NAALADL2: variants seen among roughly 807,000 people sequenced by gnomAD.
NAALADL2 encodes the protein N-acetylated alpha-linked acidic dipeptidase like 2, also known as inactive N-acetylated-alpha-linked acidic dipeptidase-like protein 2.
A neutral mutation model predicts 87.2 loss-of-function variants in NAALADL2; 76 were observed. That is an observed-to-expected ratio of 0.87 (90% confidence interval 0.72 to 1.05). The LOEUF is 1.05. Ranked by LOEUF, NAALADL2 falls within the 50% of genes least tolerant of loss-of-function variation. The pLI, the probability that NAALADL2 is intolerant of heterozygous loss-of-function variation, is 0.00. For synonymous variants in NAALADL2, 354 were observed against 331.0 expected, an observed-to-expected ratio of 1.07 and a Z score of -0.75; for missense variants, 1,089 against 945.8, an observed-to-expected ratio of 1.15 and a Z score of -1.99.
intron 5 of NAALADL2, among the ~76,000 whole-genome samples, chr3:175,392,447 T>C (rs1769193717): frequency 6.6e-6 from 1 of 152,174 alleles, no homozygotes; most frequent in Admixed American, 6.5e-5. Flanking sequence ...ATTCTGGAAA[T>C]ATGAAATCAT....
chr3:175,046,887 A>G (rs183256066), intron 1 of NAALADL2, among the ~76,000 whole-genome samples: 133 of 152,304 alleles, frequency 8.7e-4, no homozygotes, highest in African/African-American at 3.0e-3. Flanking sequence ...ACACAATACC[A>G]TAGAGTGAGT....
At chr3:175,791,221 A>C (rs1453777907) in intron 13 of NAALADL2, among the ~76,000 whole-genome samples, 2 of 152,234 alleles carry the variant, frequency 1.3e-5, no homozygotes, top group African/African-American at 4.8e-5. Flanking sequence ...ATCCTGTGGA[A>C]ATACACTTTT....
chr3:174,723,755 CAAAAAAAAAAAAAAAAAAAA>C (rs10663395), intron 2 of NAALADL2, among the ~76,000 whole-genome samples: 1 of 27,554 alleles, frequency 3.6e-5, no homozygotes, highest in Admixed American at 7.9e-4. Context: ...GACTCCGTCT[CAAAAAAAAAAAAAAAAAAAA>C]AAAAAAAAGC....
rs1159602995 is a variant in NAALADL2, at chr3:174,987,568, CAAAAAAAAAAAAAAAAA to C, written c.44-109208_44-109192del. 1.7e-3 allele frequency among the ~76,000 whole-genome samples: 35 copies of C among 20,850 alleles called. 3 individuals carry two copies. Among genetic ancestry groups the C allele is most frequent in the East Asian group, 0.011 (11 of 978 alleles). 13.7% of individuals were successfully genotyped at this position (20,850 alleles called of 152,430 possible). A position where few individuals can be genotyped will look rare whatever the true frequency, so the allele number is the denominator to read the frequency against. Reference sequence around the variant, plus strand: ...TGGGCGACAGAGCGAGACTCCGTCTCAAAAAAAAAAAAAAAAAAAAAAAAAAAAAACAATACTCATCA... The same window carrying C: ...TGGGCGACAGAGCGAGACTCCGTCTCAAAAAAAAAAAAACAATACTCATCA... On this transcript the variant is annotated intron_variant, in intron 1 of 13. Transcript: ENST00000454872.
chr3:174,842,829 T>C (rs1724174295), intron 3 of NAALADL2, among the ~76,000 whole-genome samples: 1 of 152,164 alleles, frequency 6.6e-6, no homozygotes, highest in African/African-American at 2.4e-5. Context: ...ATAATTCATA[T>C]AGCTCCTTGG....
At chr3:175,731,937 G>GA (rs981038251) in intron 11 of NAALADL2, among the ~76,000 whole-genome samples, 43 of 151,610 alleles carry the variant, frequency 2.8e-4, no homozygotes, top group Non-Finnish European at 5.5e-4. Context: ...GTGCAAACTG[G>GA]AAAAAAAATC....
intron 1 of NAALADL2, among the ~76,000 whole-genome samples, chr3:174,447,039 A>C: frequency 6.6e-6 from 1 of 152,208 alleles, no homozygotes; most frequent in Non-Finnish European, 1.5e-5. Flanking sequence ...CTAATTATGC[A>C]GGAAACCTAC....
intron 2 of NAALADL2, among the ~76,000 whole-genome samples, chr3:174,632,933 C>CAAAAA (rs56809226): frequency 3.1e-5 from 2 of 63,774 alleles, no homozygotes; most frequent in Non-Finnish European, 3.1e-5. Flanking sequence ...GACTCTGTCT[C>CAAAAA]AAAAAAAAAA....
Position 175,573,247 on chromosome 3 carries a change from A to T in NAALADL2, c.1654-2794A>T, listed in dbSNP as rs372632796. Among the ~76,000 whole-genome samples the T allele has an allele frequency of 2.7e-4, 41 of 152,302 alleles. No homozygotes were observed. In the South Asian group the frequency reaches 8.1e-3, roughly 30 times the overall value. ...AAAACAAAATTAATGCCAAATCTAT[A>T]TTTTCATTTATGTTGAGTAGGATGC... is the stretch of plus-strand genomic sequence containing the variant. On this transcript the variant is annotated intron_variant, in intron 9 of 13. Coordinates refer to ENST00000454872, the MANE Select transcript of NAALADL2 (RefSeq NM_207015.3).
intron 9 of NAALADL2, among the ~76,000 whole-genome samples, chr3:175,559,634 G>A (rs922799168): frequency 9.9e-5 from 15 of 152,080 alleles, no homozygotes; most frequent in African/African-American, 2.9e-4. Flanking sequence ...GTTTTTTGAC[G>A]GTTTTATCAT....
chr3:175,162,559 T>A (rs1733386474), intron 2 of NAALADL2, among the ~76,000 whole-genome samples: 1 of 152,134 alleles, frequency 6.6e-6, no homozygotes, highest in South Asian at 2.1e-4. Context: ...TAATACAAAT[T>A]ATTTGTGCCT....
At chr3:175,376,746 T>C (rs1385809368) in intron 5 of NAALADL2, among the ~76,000 whole-genome samples, 1 of 152,198 alleles carries the variant, frequency 6.6e-6, no homozygotes, top group South Asian at 2.1e-4. Flanking sequence ...AGTTTACATA[T>C]ATTGGATAGC....
chr3:175,472,718 T>C (rs1725082777), intron 9 of NAALADL2, among the ~76,000 whole-genome samples: 1 of 152,178 alleles, frequency 6.6e-6, no homozygotes, highest in African/African-American at 2.4e-5. Context: ...CATTTCCATA[T>C]GTAGTACAAT....
At chr3:175,663,036 A>T (rs1582815526) in intron 11 of NAALADL2, among the ~76,000 whole-genome samples, 1 of 151,864 alleles carries the variant, frequency 6.6e-6, no homozygotes, top group East Asian at 1.9e-4. Context: ...TGAATTTGGA[A>T]ATATTTACTG....
intron 5 of NAALADL2, among the ~76,000 whole-genome samples, chr3:175,418,609 C>T (rs1322705990): frequency 6.6e-6 from 1 of 151,958 alleles, no homozygotes; most frequent in African/African-American, 2.4e-5. Flanking sequence ...TCTCATTATC[C>T]GTGGAAGATG....
At chr3:174,578,951 A>G (rs1163571447) in intron 2 of NAALADL2, among the ~76,000 whole-genome samples, 1 of 152,008 alleles carries the variant, frequency 6.6e-6, no homozygotes, top group African/African-American at 2.4e-5. Context: ...ATAGCTAAAA[A>G]TATCAGCAAA....
intron 1 of NAALADL2, among the ~76,000 whole-genome samples, chr3:174,999,208 A>G (rs1456817529): frequency 6.6e-6 from 1 of 152,128 alleles, no homozygotes; most frequent in Non-Finnish European, 1.5e-5. Context: ...ACATAAATGT[A>G]AAGTATTTTT....
At chr3:175,215,603 G>A (rs749844685) in intron 2 of NAALADL2, among the ~76,000 whole-genome samples, 2 of 152,086 alleles carry the variant, frequency 1.3e-5, no homozygotes, top group African/African-American at 2.4e-5. Flanking sequence ...TGAGGATCCT[G>A]GCCTCAGAAA....
intron 1 of NAALADL2, among the ~76,000 whole-genome samples, chr3:174,479,554 G>A (rs969906099): frequency 4.6e-5 from 7 of 152,150 alleles, no homozygotes; most frequent in African/African-American, 9.6e-5. Context: ...AGGGGCAGGC[G>A]GGTGCAGGTT....
Sources: allele counts gnomAD v4.1 joint callset (sites outside exome capture counted in the v4.1 genomes callset), GRCh38; gene constraint gnomAD v4.1.1; transcripts MANE v1.5; gene names NCBI Gene and HGNC (gene_info 2026-07-23, HGNC 2026-07-21).